Variants in PDE4D observed in about 807,000 individuals in gnomAD.
PDE4D encodes 3',5'-cyclic-AMP phosphodiesterase 4D.
A neutral mutation model predicts 87.4 loss-of-function variants in PDE4D; 24 were observed. The observed-to-expected ratio is 0.27, with a 90% CI of 0.20 to 0.39. The LOEUF is 0.39. PDE4D is among the 10% of genes least tolerant of loss of function. The pLI is 1.00. For missense variants in PDE4D, 714 were observed against 1,041.0 expected (o/e 0.69, Z 4.32); for synonymous variants, 384 against 383.2 (o/e 1.00, Z -0.02).
chr5:59,794,323 C>A (rs905451960), intron 1 of PDE4D, among the ~76,000 whole-genome samples: 2 of 152,212 alleles, frequency 1.3e-5, no homozygotes, highest in Non-Finnish European at 2.9e-5. Context: ...TGAGGCAAAA[C>A]TTTGTAGGTA....
chr5:59,540,439 A>T (rs1356408252), intron 1 of PDE4D, among the ~76,000 whole-genome samples: 1 of 152,086 alleles, frequency 6.6e-6, no homozygotes, highest in Non-Finnish European at 1.5e-5. Context: ...CAACCCCAAA[A>T]TTGCTCTAAG....
Position 60,215,692 on chromosome 5 carries a change from G to A in PDE4D, c.-89-30005C>T, listed in dbSNP as rs1185654370. Among the ~76,000 whole-genome samples the A allele has an allele frequency of 2.0e-5, 3 of 152,104 alleles. No homozygotes were observed. The East Asian group carries it at 5.8e-4, about 29-fold the overall frequency. ...ACAAGCAACAGCAGCATCACTAGGA[G>A]CTTGTTAAATGTTGGGGCCCTATCC... is the stretch of plus-strand genomic sequence containing the variant. On this transcript the variant is annotated intron_variant, in intron 1 of 16. Coordinates refer to the PDE4D transcript ENST00000502484.
At chr5:59,524,512 AG>A (rs1812740752) in intron 1 of PDE4D, among the ~76,000 whole-genome samples, 1 of 152,214 alleles carries the variant, frequency 6.6e-6, no homozygotes, top group African/African-American at 2.4e-5. Flanking sequence ...ACACCATAAA[AG>A]TTTGAGAAAT....
chr5:59,877,388 AAAC>A (rs1748748443), intron 1 of PDE4D, among the ~76,000 whole-genome samples: 1 of 151,998 alleles, frequency 6.6e-6, no homozygotes, highest in Admixed American at 6.6e-5. Context: ...CTTAAACAAT[AAAC>A]ATACATGTTC....
chr5:59,635,055 TATC>T (rs1832060402), intron 1 of PDE4D, among the ~76,000 whole-genome samples: 1 of 152,134 alleles, frequency 6.6e-6, no homozygotes, highest in African/African-American at 2.4e-5. Flanking sequence ...ATAAAGGGGA[TATC>T]ATCATTGATC....
chr5:59,176,382 G>A (rs998439638), intron 5 of PDE4D, among the ~76,000 whole-genome samples: 1 of 152,000 alleles, frequency 6.6e-6, no homozygotes, highest in African/African-American at 2.4e-5. Context: ...GTGAAACCCT[G>A]TCTCTACTAA....
Position 59,840,235 on chromosome 5 carries a change from CA to C in PDE4D, c.455+52932del, listed in dbSNP as rs1163092659. 7.8e-3 allele frequency among the ~76,000 whole-genome samples: 478 copies of C among 61,300 alleles called. 5 individuals are homozygous for C. The highest frequency in any genetic ancestry group is 0.044 in the African/African-American group (443 of 10,148). The allele number at this position is 61,300 out of a possible 152,430, so 40.2% of individuals were successfully genotyped here. A position where few individuals can be genotyped will look rare whatever the true frequency, so the allele number is the denominator to read the frequency against. On this transcript the variant is annotated intron_variant, in intron 1 of 14. Coordinates refer to ENST00000340635, the MANE Select transcript of PDE4D (RefSeq NM_001104631.2). ...TCTTCTAGTTTCACACGTGCACTGC[CA>C]CACACACACACACACACACACACAC... is the stretch of plus-strand genomic sequence containing the variant.
At position 59,446,144 on chromosome 5, in the gene PDE4D, ATATAT is replaced by A. The variant is rs1439154652; in HGVS notation, c.456-230181_456-230177del. 1.7e-4 allele frequency among the ~76,000 whole-genome samples: 26 copies of A among 152,316 alleles called. No individual in the cohort carries two copies. In the East Asian group the frequency reaches 1.7e-3, roughly 10 times the overall value. On this transcript the variant is annotated intron_variant, in intron 1 of 14. Transcript: ENST00000340635. Reference sequence around the variant, plus strand: ...TGGTCATTGTGCTATATGTATACACATATATTATATAACATATACAATCTTTTATG... The same window carrying A: ...TGGTCATTGTGCTATATGTATACACATATATAACATATACAATCTTTTATG...
intron 2 of PDE4D, among the ~76,000 whole-genome samples, chr5:60,105,969 C>T (rs2149343745): frequency 1.3e-5 from 2 of 152,306 alleles, no homozygotes; most frequent in Middle Eastern, 3.4e-3. Context: ...AAATAACCAG[C>T]TGACATCATA....
At chr5:59,607,453 C>T (rs911958927) in intron 1 of PDE4D, among the ~76,000 whole-genome samples, 8 of 152,056 alleles carry the variant, frequency 5.3e-5, no homozygotes, top group African/African-American at 1.9e-4. Context: ...AGAGAAATGA[C>T]AGAAAGTGCA....
rs551953789 is a variant in PDE4D, at chr5:60,285,233, C to T, written c.-89-99546G>A. On this transcript the variant is annotated intron_variant, in intron 1 of 16. Coordinates refer to the PDE4D transcript ENST00000502484. Reference sequence around the variant, plus strand: ...TAATAGCAAGTACAACAGTCATTAACAGATTTTGGATTCCTGGCAAACATG... The same window carrying T: ...TAATAGCAAGTACAACAGTCATTAATAGATTTTGGATTCCTGGCAAACATG... Among the ~76,000 whole-genome samples, 5 of 152,042 alleles carry T rather than the reference C, an allele frequency of 3.3e-5. No homozygotes were observed. The South Asian group carries it at 1.0e-3, about 32-fold the overall frequency.
At chr5:59,574,182 T>C (rs1159741564) in intron 1 of PDE4D, among the ~76,000 whole-genome samples, 1 of 116,092 alleles carries the variant, frequency 8.6e-6, no homozygotes, top group East Asian at 2.4e-4. Context: ...AAATATCTTC[T>C]AGCAAAGACA....
chr5:59,445,955 T>C (rs1401189461), intron 1 of PDE4D, among the ~76,000 whole-genome samples: 1 of 152,216 alleles, frequency 6.6e-6, no homozygotes. Flanking sequence ...TGAGTAGCTA[T>C]AAATGAATTC....
chr5:60,398,443 G>T (rs927061659), intron 1 of PDE4D, among the ~76,000 whole-genome samples: 5 of 152,158 alleles, frequency 3.3e-5, no homozygotes, highest in Non-Finnish European at 7.3e-5. Context: ...TGCCTGAGTG[G>T]CTGGTGTTTC....
At chr5:59,606,871 T>C (rs1185022094) in intron 1 of PDE4D, among the ~76,000 whole-genome samples, 1 of 152,106 alleles carries the variant, frequency 6.6e-6, no homozygotes, top group Non-Finnish European at 1.5e-5. Context: ...TAATTCATAA[T>C]ATTATTTCAT....
At chr5:60,496,481 C>T (rs902427624) in intron 1 of PDE4D, among the ~76,000 whole-genome samples, 2 of 152,092 alleles carry the variant, frequency 1.3e-5, no homozygotes, top group African/African-American at 4.8e-5. Context: ...TAGAGCTTTC[C>T]CTGCATTAAA....
At chr5:60,506,575 G>C (rs1480309561) in intron 1 of PDE4D, among the ~76,000 whole-genome samples, 1 of 151,786 alleles carries the variant, frequency 6.6e-6, no homozygotes, top group East Asian at 1.9e-4. Context: ...TGCTGTCAAA[G>C]AAAAGCAGAC....
At chr5:60,117,568 T>A (rs1020659159) in intron 2 of PDE4D, among the ~76,000 whole-genome samples, 1 of 152,108 alleles carries the variant, frequency 6.6e-6, no homozygotes, top group Non-Finnish European at 1.5e-5. Context: ...AAAATATGAA[T>A]GTACTGTCTT....
At chr5:59,309,959 C>T (rs956577920) in intron 1 of PDE4D, among the ~76,000 whole-genome samples, 4 of 152,302 alleles carry the variant, frequency 2.6e-5, no homozygotes, top group East Asian at 1.9e-4. Flanking sequence ...ACTCTGCTTA[C>T]GTGAGGTCTT....
Sources: allele counts gnomAD v4.1 joint callset (sites outside exome capture counted in the v4.1 genomes callset), GRCh38; gene constraint gnomAD v4.1.1; transcripts MANE v1.5; gene names NCBI Gene and HGNC (gene_info 2026-07-23, HGNC 2026-07-21).